SPG11: variants seen among roughly 807,000 people sequenced by gnomAD.
SPG11 encodes the protein spatacsin.
Under a neutral mutation model 274.0 loss-of-function variants are expected in SPG11, and 222 were observed. That is an observed-to-expected ratio of 0.81 (90% CI 0.73 to 0.91). The LOEUF is 0.91. Ranked by LOEUF, SPG11 falls within the 40% of genes least tolerant of loss-of-function variation. SPG11 has a pLI of 0.00. For synonymous variants in SPG11, 1,144 were observed against 1,039.7 expected, an observed-to-expected ratio of 1.10 and a Z score of -1.93; for missense variants, 3,114 against 2,872.7, an observed-to-expected ratio of 1.08 and a Z score of -1.92.
chr15:44,583,746 C>A (rs2082700149), intron 30 of SPG11, 68 bp downstream of exon 30: 1 of 1,607,944 alleles, frequency 6.2e-7, no homozygotes. Flanking sequence ...ACAAGGGTCC[C>A]TTCCTTCTTG....
intron 5 of SPG11, 87 bp downstream of exon 5, chr15:44,652,041 AT>A: frequency 6.3e-7 from 1 of 1,576,610 alleles, no homozygotes; most frequent in South Asian, 1.2e-5. Flanking sequence ...AAAAGTATCT[AT>A]CAAATAAAGA....
intron 1 of SPG11, among the ~76,000 whole-genome samples, chr15:44,663,182 T>A (rs889880052): frequency 6.6e-6 from 1 of 152,250 alleles, no homozygotes; most frequent in Non-Finnish European, 1.5e-5. Context: ...AGAGCTGGGC[T>A]GCCAGAATGC....
intron 25 of SPG11, 99 bp downstream of exon 25, chr15:44,595,984 G>A (rs1439881853): frequency 5.4e-6 from 8 of 1,494,690 alleles, no homozygotes; most frequent in South Asian, 1.2e-5. Context: ...GAACCTCACT[G>A]TCATCATCAC....
At chr15:44,593,927 T>A (rs1347957889) in intron 26 of SPG11, among the ~76,000 whole-genome samples, 3 of 150,220 alleles carry the variant, frequency 2.0e-5, no homozygotes, top group Non-Finnish European at 3.0e-5. Context: ...CTTTTTTCTT[T>A]TCTTTTTTTT....
At chr15:44,609,739 T>C (rs991319537) in intron 18 of SPG11, among the ~76,000 whole-genome samples, 1 of 151,152 alleles carries the variant, frequency 6.6e-6, no homozygotes, top group Non-Finnish European at 1.5e-5. Flanking sequence ...GCCCAGCTTT[T>C]TTTTTTTTTT....
At chr15:44,584,790 T>C (rs2082723489) in intron 29 of SPG11, among the ~76,000 whole-genome samples, 1 of 152,114 alleles carries the variant, frequency 6.6e-6, no homozygotes, top group East Asian at 1.9e-4. Context: ...CCATCATGCC[T>C]GGCTAATTTT....
rs751970107 is a variant in SPG11 at position 44,598,873 on chromosome 15, GA to G, written c.3687-38del. ...AGGAATCAAAATCACATCAGCACATGAAAATTATGTCTCACCAGGAAAAGCA... is the reference window on the plus strand; with the variant it reads ...AGGAATCAAAATCACATCAGCACATGAAATTATGTCTCACCAGGAAAAGCA... On this transcript the variant is annotated intron_variant, in intron 21 of 39. Transcript: ENST00000261866. The G allele has an allele frequency of 3.8e-6, 6 of 1,588,566 alleles. No homozygotes were observed. In the African/African-American group the frequency reaches 6.7e-5, roughly 18 times the overall value.
chr15:44,572,920 G>C, intron 32 of SPG11, 100 bp from the exon 33 acceptor site: 1 of 1,184,836 alleles, frequency 8.4e-7, no homozygotes, highest in Non-Finnish European at 1.2e-6. Context: ...GAGCTCTGCA[G>C]CTCTCCGCTT....
Position 44,621,808 on chromosome 15 carries a change from C to A in SPG11, c.2571G>T (p.Trp857Cys), listed in dbSNP as rs200542854. 1.7e-5 allele frequency: 28 copies of A among 1,613,656 alleles called. No homozygotes were observed. The highest frequency in any genetic ancestry group is 2.4e-5 in the Non-Finnish European group (28 of 1,179,854). ...HRIVLNWALW[W>C]DQLTQESILL... is the part of the protein sequence containing the mutation. ...GGATGGATTCTTGTGTTAGTTGATC[C>A]CACCACAGAGCCCAATTTAACACAA... The change falls in exon 14 of 40, where the codon TGG becomes TGT. Residue 857 changes from tryptophan (W) to cysteine (C), a missense_variant. Transcript: ENST00000261866.
chr15:44,595,540 TTAGAA>T (rs1255224240), intron 25 of SPG11, 81 bp from the exon 26 acceptor site: 1 of 1,427,512 alleles, frequency 7.0e-7, no homozygotes, highest in African/African-American at 1.4e-5. Context: ...TATTTCCTGT[TTAGAA>T]TAAGTCACCC....
rs1339391497 is a variant in SPG11, at chr15:44,570,850, TTCTC to T, written c.6344-196_6344-193del. Among the ~76,000 whole-genome samples, 10 of 152,248 alleles carry T rather than the reference TTCTC, an allele frequency of 6.6e-5. No individual in the cohort carries two copies. The South Asian group carries it at 1.9e-3, about 28-fold the overall frequency. On this transcript the variant is annotated intron_variant, in intron 33 of 39. Transcript: ENST00000261866. Reference sequence around the variant, plus strand: ...CAGCCCCTTGATGACATCCAAATCATTCTCTCAGTCATGGCACAATCCTCAAAGA... The same window carrying T: ...CAGCCCCTTGATGACATCCAAATCATTCAGTCATGGCACAATCCTCAAAGA...
rs2141044804 is a variant in SPG11, at chr15:44,629,252, C to G, written c.1872G>C (p.Glu624Asp). 2 of 1,614,106 alleles carry G rather than the reference C, an allele frequency of 1.2e-6. No homozygotes were observed. Among genetic ancestry groups the G allele is most frequent in the African/African-American group, 1.3e-5 (1 of 75,060 alleles). Residue 624 changes from glutamate (E) to aspartate (D), a missense_variant, in exon 9 of 40, where the codon GAG becomes GAC. Glu to Asp is a conservative substitution (Grantham distance 45). Transcript: ENST00000261866. ...TCTTACCTTCAGTGTGAATGAAAAG[C>G]TCCTTTATTTGGTTGTTAAGGAAAG... is the stretch of plus-strand genomic sequence containing the variant. ...TLSFLNNQIK[E>D]LFIHTEELDE... is the part of the protein sequence containing the mutation.
rs777615773 is a variant in SPG11 at position 44,563,221 on chromosome 15, TACAGGTAAACA to T, written c.7221_7231del (p.Asp2407GlufsTer12). The T allele has an allele frequency of 6.2e-7, 1 of 1,614,144 alleles. No individual in the cohort carries two copies. The highest frequency in any genetic ancestry group is 8.5e-7 in the Non-Finnish European group (1 of 1,179,954). On this transcript the variant is annotated frameshift_variant, in exon 40 of 40. Transcript: ENST00000261866. LOFTEE classifies it high-confidence loss of function. The stretch of plus-strand genomic sequence containing the variant: ...CTTGTGTTCGTATGCCAACTTGTAA[TACAGGTAAACA>T]TCTTCACAATATGTGAGTAATTTCT...
intron 6 of SPG11, 99 bp downstream of exon 6, chr15:44,651,392 C>T: frequency 2.0e-6 from 2 of 1,016,376 alleles, no homozygotes; most frequent in East Asian, 2.6e-5. Flanking sequence ...AATTACAATA[C>T]CACTTAAAGG....
intron 4 of SPG11, among the ~76,000 whole-genome samples, chr15:44,653,855 A>G (rs1341906992): frequency 1.3e-5 from 2 of 152,226 alleles, no homozygotes; most frequent in African/African-American, 4.8e-5. Flanking sequence ...TTTGAACTCC[A>G]TGGGTCCACT....
At chr15:44,565,419 C>T (rs1320841018) in intron 38 of SPG11, among the ~76,000 whole-genome samples, 2 of 152,200 alleles carry the variant, frequency 1.3e-5, no homozygotes, top group Non-Finnish European at 2.9e-5. Flanking sequence ...GAAGCCCTTG[C>T]ATGTGCAGTT....
At position 44,663,442 on chromosome 15, in the gene SPG11, G is replaced by T. The variant is rs764422997; in HGVS notation, c.206C>A (p.Thr69Lys). Residue 69 changes from threonine (T) to lysine (K), a missense_variant, in exon 1 of 40, where the codon ACG becomes AAG. By Grantham distance (78) the Thr-to-Lys change is moderately conservative. Coordinates refer to ENST00000261866, the MANE Select transcript of SPG11 (RefSeq NM_025137.4). ...GCGACCCCCGCCCCGGCTGCCAGGC[G>T]TCAAAGAAAGCACTTGGAGGCTGCC... ...AAGSLQVLSLTPGSRGGGRCC... is the reference protein window; with the variant it reads ...AAGSLQVLSLKPGSRGGGRCC... The T allele has an allele frequency of 6.2e-7, 1 of 1,602,710 alleles. No individual in the cohort carries two copies. Among genetic ancestry groups the T allele is most frequent in the Non-Finnish European group, 8.5e-7 (1 of 1,175,420 alleles).
At position 44,582,432 on chromosome 15, in the gene SPG11, C is replaced by T. The variant is rs139521591; in HGVS notation, c.5866+1382G>A. ...GCGTGGTGGTACACGCCTGTAATCC[C>T]AGCTATTCGGGAGGCTGAGGCAGGC... On this transcript the variant is annotated intron_variant, in intron 30 of 39. Transcript: ENST00000261866. 1.8e-3 allele frequency among the ~76,000 whole-genome samples: 279 copies of T among 152,244 alleles called. 1 individual carries two copies. Among genetic ancestry groups the T allele is most frequent in the South Asian group, 0.011 (55 of 4,824 alleles).
At chr15:44,569,192 A>T (rs1017386362) in intron 35 of SPG11, among the ~76,000 whole-genome samples, 12 of 152,012 alleles carry the variant, frequency 7.9e-5, no homozygotes, top group African/African-American at 2.9e-4. Flanking sequence ...AAAGAAAAAA[A>T]AAATATATGG....
Sources: gnomAD v4.1 joint callset for allele counts (sites outside exome capture counted in the v4.1 genomes callset) on GRCh38, gnomAD v4.1.1 for gene constraint, MANE v1.5 for transcripts, NCBI Gene and HGNC (gene_info 2026-07-23, HGNC 2026-07-21) for gene names.